Variants in CACNA1D observed in about 807,000 individuals in gnomAD.
CACNA1D encodes the protein calcium voltage-gated channel subunit alpha1 D, also known as voltage-dependent L-type calcium channel subunit alpha-1D.
Under a neutral mutation model 257.1 loss-of-function variants are expected in CACNA1D, and 55 were observed. The ratio of observed to expected loss-of-function variants is 0.21; its 90% confidence interval spans 0.17 to 0.27. CACNA1D has a LOEUF of 0.27. Ranked by LOEUF, CACNA1D falls within the 10% of genes least tolerant of loss-of-function variation. The pLI, the probability that CACNA1D is intolerant of heterozygous loss-of-function variation, is 1.00. For missense variants in CACNA1D, 1,876 were observed against 2,784.0 expected, an observed-to-expected ratio of 0.67 and a Z score of 7.34; for synonymous variants, 980 against 1,014.9, an observed-to-expected ratio of 0.97 and a Z score of 0.65.
At chr3:53,797,326 G>A (rs114578537) in intron 40 of CACNA1D, among the ~76,000 whole-genome samples, 2 of 152,248 alleles carry the variant, frequency 1.3e-5, no homozygotes, top group African/African-American at 4.8e-5. Context: ...TCCCAGTCGT[G>A]GGGGACAGCC....
intron 3 of CACNA1D, among the ~76,000 whole-genome samples, chr3:53,521,622 A>G (rs527246319): frequency 1.2e-3 from 183 of 152,200 alleles, no homozygotes; most frequent in Non-Finnish European, 2.1e-3. Context: ...GTTTGGGTGT[A>G]TATGTAGGGA....
intron 3 of CACNA1D, 136 bp downstream of exon 3, chr3:53,501,856 G>T: frequency 1.5e-6 from 1 of 653,624 alleles, no homozygotes; most frequent in Non-Finnish European, 2.8e-6. Flanking sequence ...TTGCAACAGT[G>T]GTTTTTTGTT....
At chr3:53,797,376 T>A (rs1430287607) in intron 40 of CACNA1D, among the ~76,000 whole-genome samples, 1 of 152,062 alleles carries the variant, frequency 6.6e-6, no homozygotes, top group Non-Finnish European at 1.5e-5. Context: ...AAAAGTAGAG[T>A]CAGTCCCTGA....
At chr3:53,795,882 G>A (rs1246170836) in intron 40 of CACNA1D, among the ~76,000 whole-genome samples, 1 of 152,196 alleles carries the variant, frequency 6.6e-6, no homozygotes, top group African/African-American at 2.4e-5. Flanking sequence ...AGGGGAGCTT[G>A]TGGGGGTCAT....
At chr3:53,632,390 A>C (rs2093831407) in intron 3 of CACNA1D, among the ~76,000 whole-genome samples, 1 of 152,246 alleles carries the variant, frequency 6.6e-6, no homozygotes, top group Non-Finnish European at 1.5e-5. Context: ...AGACTTTGGC[A>C]CAAGAGAATG....
intron 9 of CACNA1D, among the ~76,000 whole-genome samples, chr3:53,707,003 T>C (rs2094696997): frequency 6.6e-6 from 1 of 152,138 alleles, no homozygotes; most frequent in African/African-American, 2.4e-5. Flanking sequence ...TTCTGAAGTA[T>C]TGATGGAAAA....
chr3:53,585,110 T>G (rs1559877288), intron 3 of CACNA1D, among the ~76,000 whole-genome samples: 1 of 141,292 alleles, frequency 7.1e-6, no homozygotes, highest in East Asian at 2.0e-4. Context: ...GCTGCCATAT[T>G]CACACGCTTT....
intron 3 of CACNA1D, among the ~76,000 whole-genome samples, chr3:53,633,586 C>T (rs894559568): frequency 2.0e-5 from 3 of 152,198 alleles, no homozygotes; most frequent in African/African-American, 7.2e-5. Context: ...TTAGGGCAAA[C>T]TGGTAGCCGG....
Position 53,555,126 on chromosome 3 carries a change from A to T in CACNA1D, c.483+53406A>T, listed in dbSNP as rs796622688. Among the ~76,000 whole-genome samples the T allele has an allele frequency of 1.1e-4, 17 of 152,368 alleles. 1 individual carries two copies. Among genetic ancestry groups the T allele is most frequent in the African/African-American group, 4.1e-4 (17 of 41,594 alleles). On this transcript the variant is annotated intron_variant, in intron 3 of 47. Transcript: ENST00000350061. ...AGCTTATATCCTACTATTTCTATGT[A>T]GTGTATCTGGCGTGGTCCCATGAGG...
At chr3:53,790,894 C>T in intron 40 of CACNA1D, 1 of 684,554 alleles carries the variant, frequency 1.5e-6, no homozygotes, top group Middle Eastern at 2.3e-4. Flanking sequence ...CATCAAAAGC[C>T]TCTTTTTAAA....
intron 8 of CACNA1D, chr3:53,674,040 C>T: frequency 4.9e-6 from 3 of 614,450 alleles, no homozygotes; most frequent in Non-Finnish European, 5.9e-6. Flanking sequence ...TGAAAACGTT[C>T]CCCCAAAGCC....
At chr3:53,704,657 C>T (rs377370518) in intron 9 of CACNA1D, among the ~76,000 whole-genome samples, 13 of 152,188 alleles carry the variant, frequency 8.5e-5, no homozygotes, top group African/African-American at 3.1e-4. Context: ...CTTGGAGATG[C>T]CTGCACCGCT....
chr3:53,726,939 C>T lies in CACNA1D; in HGVS notation c.2161C>T (p.Pro721Ser). 5.6e-6 allele frequency: 9 copies of T among 1,614,118 alleles called. No homozygotes were observed. Among genetic ancestry groups the T allele is most frequent in the Non-Finnish European group, 7.6e-6 (9 of 1,179,952 alleles). The change falls in exon 15 of 48, where the codon CCA becomes TCA. Residue 721 changes from proline to serine, a missense_variant. Pro to Ser is a moderately conservative substitution (Grantham distance 74). Transcript: ENST00000350061. ...CGATGGCATCATGGCTTACGGGGGC[C>T]CATCCTCTTCAGGAATGATCGTCTG... ...MYDGIMAYGG[P>S]SSSGMIVCIY...
intron 11 of CACNA1D, among the ~76,000 whole-genome samples, chr3:53,720,595 T>G (rs990594982): frequency 4.6e-5 from 7 of 152,268 alleles, no homozygotes; most frequent in African/African-American, 1.7e-4. Context: ...ATGGGCAAAA[T>G]TTTTAATAGG....
At chr3:53,555,437 G>GGTGTGTGTGTGT (rs1165879084) in intron 3 of CACNA1D, among the ~76,000 whole-genome samples, 5 of 122,918 alleles carry the variant, frequency 4.1e-5, no homozygotes, top group African/African-American at 1.7e-4. Context: ...TTTTCTGGTG[G>GGTGTGTGTGTGT]GTGTGTGTGT....
At chr3:53,640,989 A>G (rs2093943601) in intron 3 of CACNA1D, among the ~76,000 whole-genome samples, 3 of 141,864 alleles carry the variant, frequency 2.1e-5, no homozygotes, top group Non-Finnish European at 4.6e-5. Context: ...GTCTTCCCTT[A>G]AAGGGTGAAG....
chr3:53,645,992 C>T (rs777463656), intron 3 of CACNA1D, among the ~76,000 whole-genome samples: 28 of 152,210 alleles, frequency 1.8e-4, no homozygotes, highest in Non-Finnish European at 3.1e-4. Flanking sequence ...CATTCAACCC[C>T]GCTGGGTGCG....
chr3:53,502,985 G>A (rs376041459), intron 3 of CACNA1D, among the ~76,000 whole-genome samples: 1 of 152,138 alleles, frequency 6.6e-6, no homozygotes, highest in African/African-American at 2.4e-5. Context: ...CGTTGTAAAG[G>A]CAAACACACT....
intron 3 of CACNA1D, among the ~76,000 whole-genome samples, chr3:53,586,293 T>TGC (rs2093215649): frequency 6.6e-6 from 1 of 151,284 alleles, no homozygotes; most frequent in Non-Finnish European, 1.5e-5. Flanking sequence ...TGTGTGTGTG[T>TGC]GTGTGTGTGT....
Sources: allele counts gnomAD v4.1 joint callset (sites outside exome capture counted in the v4.1 genomes callset), GRCh38; gene constraint gnomAD v4.1.1; transcripts MANE v1.5; gene names NCBI Gene and HGNC (gene_info 2026-07-23, HGNC 2026-07-21).